Variants in ZCCHC9 observed in about 807,000 individuals in gnomAD.
ZCCHC9 encodes the protein zinc finger CCHC domain-containing protein 9.
Under a neutral mutation model 30.8 loss-of-function variants are expected in ZCCHC9, and 18 were observed. The observed-to-expected ratio is 0.58, with a 90% CI of 0.40 to 0.87. The LOEUF is 0.87. ZCCHC9 is among the 40% of genes least tolerant of loss of function. ZCCHC9 has a pLI of 0.00. For missense variants in ZCCHC9, 279 were observed against 331.2 expected (o/e 0.84, Z 1.22); for synonymous variants, 94 against 106.7 (o/e 0.88, Z 0.73).
intron 2 of ZCCHC9, 139 bp from the exon 3 acceptor site, chr5:81,308,422 C>T (rs1758152415): frequency 1.7e-6 from 2 of 1,156,448 alleles, no homozygotes; most frequent in African/African-American, 1.6e-5. Context: ...CGTATGAAAG[C>T]TTTTTTCTAC....
At position 81,310,623 on chromosome 5, in the gene ZCCHC9, A is replaced by G. The variant is rs78306513; in HGVS notation, c.629-588A>G. Among the ~76,000 whole-genome samples the G allele has an allele frequency of 7.2e-3, 1,103 of 152,322 alleles. 16 individuals are homozygous for G. Among genetic ancestry groups the G allele is most frequent in the East Asian group, 0.045 (234 of 5,188 alleles). On this transcript the variant is annotated intron_variant, in intron 4 of 5. Transcript: ENST00000407610. The stretch of plus-strand genomic sequence containing the variant: ...GTGAAACACTTATTTTAGAAACCAC[A>G]TGTGTTGTAATTCACAATCCTGGAA...
chr5:81,311,790 A>T (rs1162215958), intron 5 of ZCCHC9, among the ~76,000 whole-genome samples: 1 of 152,172 alleles, frequency 6.6e-6, no homozygotes, highest in African/African-American at 2.4e-5. Flanking sequence ...TATTCATCAA[A>T]CACTTCAGAG....
chr5:81,312,170 G>A (rs1758310157), intron 5 of ZCCHC9, among the ~76,000 whole-genome samples: 2 of 152,296 alleles, frequency 1.3e-5, no homozygotes. Flanking sequence ...ACAAGCAGAT[G>A]TTGTATAATT....
intron 5 of ZCCHC9, among the ~76,000 whole-genome samples, chr5:81,311,704 A>G (rs938751191): frequency 5.3e-5 from 8 of 152,336 alleles, no homozygotes; most frequent in Middle Eastern, 3.4e-3. Context: ...AGTTGATTGC[A>G]GAAACTACCA....
chr5:81,302,557 T>A (rs921778686), intron 1 of ZCCHC9: 17 of 152,210 alleles, frequency 1.1e-4, no homozygotes, highest in Non-Finnish European at 2.5e-4. Flanking sequence ...GAGAAATGGT[T>A]GGGCCGTTTC....
chr5:81,309,155 A>G (rs1758189541), intron 4 of ZCCHC9, 117 bp downstream of exon 4: 1 of 747,958 alleles, frequency 1.3e-6, no homozygotes, highest in Non-Finnish European at 2.1e-6. Context: ...AACCTTGAGA[A>G]TTACATTATT....
At chr5:81,311,306 AG>A (rs1488139214) in intron 5 of ZCCHC9, 27 bp downstream of exon 5, 1 of 1,607,998 alleles carries the variant, frequency 6.2e-7, no homozygotes. Context: ...TCTACTTAGA[AG>A]GGGTGAGATT....
chr5:81,302,254 C>G (rs932043280), intron 1 of ZCCHC9: 3 of 152,282 alleles, frequency 2.0e-5, no homozygotes, highest in East Asian at 1.9e-4. Flanking sequence ...GGCAGATCTC[C>G]TGAGCTCAGG....
intron 5 of ZCCHC9, among the ~76,000 whole-genome samples, chr5:81,311,837 G>A (rs1758298062): frequency 6.6e-6 from 1 of 152,158 alleles, no homozygotes; most frequent in African/African-American, 2.4e-5. Flanking sequence ...TTAAGGAAGT[G>A]GAGATCATTA....
chr5:81,313,068 A>T lies in ZCCHC9; in HGVS notation c.*406A>T, dbSNP rs899323649. ...GCTCAAAGTATCAATTTATTATTAT[A>T]ATAGAAATTTATAAGTTGCTAGAAA... is the stretch of plus-strand genomic sequence containing the variant. On this transcript the variant is annotated 3_prime_UTR_variant, in exon 6 of 6. Coordinates refer to ENST00000407610, the MANE Select transcript of ZCCHC9 (RefSeq NM_001131035.2). The T allele has an allele frequency of 2.6e-5, 4 of 152,488 alleles. No individual in the cohort carries two copies. The highest frequency in any genetic ancestry group is 4.4e-5 in the Non-Finnish European group (3 of 68,244). 9.4% of individuals were successfully genotyped at this position (152,488 alleles called of 1,614,324 possible).
chr5:81,309,184 A>G (rs1464530037), intron 4 of ZCCHC9, 146 bp downstream of exon 4: 2 of 594,444 alleles, frequency 3.4e-6, no homozygotes, highest in African/African-American at 3.7e-5. Context: ...GTGCTATCAT[A>G]TGTACTAGGC....
At chr5:81,303,154 C>T (rs1046398641) in intron 1 of ZCCHC9, 1 of 152,178 alleles carries the variant, frequency 6.6e-6, no homozygotes, top group Non-Finnish European at 1.5e-5. Context: ...CTCAGCTTCC[C>T]AGGTGGTGCG....
At chr5:81,311,621 A>C (rs1758290882) in intron 5 of ZCCHC9, among the ~76,000 whole-genome samples, 1 of 152,236 alleles carries the variant, frequency 6.6e-6, no homozygotes, top group East Asian at 1.9e-4. Context: ...AAAAAATATG[A>C]AATAACTTTC....
chr5:81,304,672 T>C (rs972615945), intron 1 of ZCCHC9, 69 bp from the exon 2 acceptor site: 11 of 1,390,000 alleles, frequency 7.9e-6, no homozygotes, highest in Middle Eastern at 2.5e-4. Flanking sequence ...TGATATAGCA[T>C]GTCTCTTTAG....
chr5:81,311,264 G>T lies in ZCCHC9; in HGVS notation c.682G>T (p.Glu228Ter). ...SVEHLKKDCP[E>*]SQNSERMVTV... ...GGAACATTTAAAGAAAGATTGCCCT[G>T]AAAGTCAGAATTCAGGTGAGATCTC... Residue 228 changes from glutamate to a stop codon, truncating the protein, a stop_gained, in exon 5 of 6, where the codon GAA becomes TAA. Coordinates refer to ENST00000407610, the MANE Select transcript of ZCCHC9 (RefSeq NM_001131035.2). LOFTEE classifies it high-confidence loss of function. The T allele has an allele frequency of 6.2e-7, 1 of 1,614,086 alleles. No individual in the cohort carries two copies. The highest frequency in any genetic ancestry group is 8.5e-7 in the Non-Finnish European group (1 of 1,179,950).
rs1561304835 is a variant in ZCCHC9 at position 81,305,462 on chromosome 5, A to G, written c.384+321A>G. Among the ~76,000 whole-genome samples, 3 of 152,166 alleles carry G rather than the reference A, an allele frequency of 2.0e-5. No individual in the cohort carries two copies. The South Asian group carries it at 6.2e-4, about 32-fold the overall frequency. On this transcript the variant is annotated intron_variant, in intron 2 of 5. Transcript: ENST00000407610. ...GACATTCAAACCCAGCCTGACTTCAAAACCTACGTTATAGACCAGATGTGG... is the reference window on the plus strand; with the variant it reads ...GACATTCAAACCCAGCCTGACTTCAGAACCTACGTTATAGACCAGATGTGG...
intron 1 of ZCCHC9, chr5:81,304,096 A>T (rs529571813): frequency 6.6e-6 from 1 of 152,402 alleles, no homozygotes; most frequent in Admixed American, 6.5e-5. Context: ...AATATATCTT[A>T]TGATTCAAGT....
In ZCCHC9 at chr5:81,304,946, G is replaced by GA; in HGVS notation, c.195dup (p.Glu66ArgfsTer5). ...AAGCAAAACATAAAAAGAACAAAAAGAAAAAAGAGTACTTAAATGAAGATG... is the reference window on the plus strand; with the variant it reads ...AAGCAAAACATAAAAAGAACAAAAAGAAAAAAAGAGTACTTAAATGAAGATG... On this transcript the variant is annotated frameshift_variant, in exon 2 of 6. Transcript: ENST00000407610. LOFTEE classifies it high-confidence loss of function. The GA allele has an allele frequency of 6.2e-7, 1 of 1,612,226 alleles. No homozygotes were observed. Among genetic ancestry groups the GA allele is most frequent in the Non-Finnish European group, 8.5e-7 (1 of 1,179,598 alleles).
At chr5:81,310,157 T>TAAAAAGAAAAAA (rs1758230258) in intron 4 of ZCCHC9, among the ~76,000 whole-genome samples, 1 of 104,776 alleles carries the variant, frequency 9.5e-6, no homozygotes, top group Non-Finnish European at 1.8e-5. Context: ...TGACTAGCTG[T>TAAAAAGAAAAAA]AAAAAAAAAA....
Sources: allele counts gnomAD v4.1 joint callset (sites outside exome capture counted in the v4.1 genomes callset), GRCh38; gene constraint gnomAD v4.1.1; transcripts MANE v1.5; gene names NCBI Gene and HGNC (gene_info 2026-07-23, HGNC 2026-07-21).